Variants in TTC29 observed in about 807,000 individuals in gnomAD.
TTC29 encodes tetratricopeptide repeat protein 29.
In TTC29, 49 loss-of-function variants were observed where a neutral mutation model predicts 58.1. That is an observed-to-expected ratio of 0.84 (90% confidence interval 0.67 to 1.07). The LOEUF is 1.07. TTC29 is among the 50% of genes least tolerant of loss of function. The pLI, the probability that TTC29 is intolerant of heterozygous loss-of-function variation, is 0.00. For synonymous variants in TTC29, 209 were observed against 196.8 expected (o/e 1.06, Z -0.52); for missense variants, 582 against 555.6 (o/e 1.05, Z -0.48).
chr4:146,756,003 G>C (rs571664389), intron 11 of TTC29, among the ~76,000 whole-genome samples: 1 of 152,042 alleles, frequency 6.6e-6, no homozygotes, highest in Non-Finnish European at 1.5e-5. Context: ...GGCTGGGTGC[G>C]GTGGCTCAAG....
intron 9 of TTC29, among the ~76,000 whole-genome samples, chr4:146,832,095 T>G (rs1728203803): frequency 6.6e-6 from 1 of 152,116 alleles, no homozygotes; most frequent in Non-Finnish European, 1.5e-5. Context: ...ACAATGGAAA[T>G]ATCATTTTGT....
At chr4:146,784,760 T>C (rs142164657) in intron 11 of TTC29, among the ~76,000 whole-genome samples, 6 of 152,300 alleles carry the variant, frequency 3.9e-5, no homozygotes, top group South Asian at 2.1e-4. Flanking sequence ...TGTTATAACA[T>C]CCTGGATGGA....
At chr4:146,831,766 G>T in intron 9 of TTC29, 1 of 447,602 alleles carries the variant, frequency 2.2e-6, no homozygotes, top group Non-Finnish European at 4.5e-6. Flanking sequence ...GCTAAGAGGT[G>T]AGAATTATTT....
intron 8 of TTC29, among the ~76,000 whole-genome samples, chr4:146,847,216 T>A (rs1729230709): frequency 6.6e-6 from 1 of 152,092 alleles, no homozygotes. Flanking sequence ...TAAGTGTAAA[T>A]AATAAATGTC....
intron 11 of TTC29, among the ~76,000 whole-genome samples, chr4:146,769,001 A>G (rs1482577213): frequency 1.3e-5 from 2 of 152,002 alleles, no homozygotes; most frequent in East Asian, 3.9e-4. Flanking sequence ...TGCCATAGCA[A>G]ACACTGAAAT....
At chr4:146,885,439 A>T (rs1221462319) in intron 6 of TTC29, among the ~76,000 whole-genome samples, 1 of 152,098 alleles carries the variant, frequency 6.6e-6, no homozygotes, top group Non-Finnish European at 1.5e-5. Context: ...ATTTTTACAC[A>T]GTTGTAAAGA....
chr4:146,766,562 A>G (rs1391537559), intron 11 of TTC29, among the ~76,000 whole-genome samples: 1 of 152,116 alleles, frequency 6.6e-6, no homozygotes, highest in Non-Finnish European at 1.5e-5. Context: ...TGATAAAAAA[A>G]TTAAAAAATG....
intron 11 of TTC29, among the ~76,000 whole-genome samples, chr4:146,741,578 T>C (rs1020465968): frequency 6.6e-5 from 10 of 152,122 alleles, no homozygotes; most frequent in Non-Finnish European, 1.5e-4. Context: ...CCCTAGATTA[T>C]TGCAATAACT....
intron 5 of TTC29, among the ~76,000 whole-genome samples, chr4:146,906,762 C>A (rs114886116): frequency 0.013 from 2,028 of 152,272 alleles, 20 homozygotes; most frequent in Non-Finnish European, 0.021. Flanking sequence ...TTCTATATTT[C>A]AACCAGACAA....
At chr4:146,721,333 C>T (rs918259650) in intron 11 of TTC29, among the ~76,000 whole-genome samples, 2 of 152,030 alleles carry the variant, frequency 1.3e-5, no homozygotes, top group Non-Finnish European at 2.9e-5. Flanking sequence ...AAAGTGCACA[C>T]GATACAAATG....
chr4:146,759,193 A>G (rs1746685852), intron 11 of TTC29, among the ~76,000 whole-genome samples: 1 of 152,136 alleles, frequency 6.6e-6, no homozygotes, highest in Non-Finnish European at 1.5e-5. Context: ...CAAGGCTACT[A>G]TGAACACCTT....
intron 4 of TTC29, among the ~76,000 whole-genome samples, chr4:146,932,919 G>A (rs141026881): frequency 0.01 from 1,525 of 152,188 alleles, 26 homozygotes; most frequent in African/African-American, 0.035. Context: ...TTAGCCAGGC[G>A]TGGTGGCGGA....
At position 146,904,867 on chromosome 4, in the gene TTC29, C is replaced by T. The variant is rs143085322; in HGVS notation, c.401-1138G>A. Among the ~76,000 whole-genome samples the T allele has an allele frequency of 9.6e-3, 1,468 of 152,226 alleles. 13 individuals are homozygous for T. The highest frequency in any genetic ancestry group is 0.068 in the Middle Eastern group (20 of 294). On this transcript the variant is annotated intron_variant, in intron 5 of 12. Coordinates refer to ENST00000325106, the MANE Select transcript of TTC29 (RefSeq NM_031956.4). ...AAACAGGTTGATTACAACAAAGGGT[C>T]ATTCTGCAGAACCGTAAGTAAGTCA...
chr4:146,915,664 C>A (rs1017122437), intron 4 of TTC29, among the ~76,000 whole-genome samples: 8 of 151,964 alleles, frequency 5.3e-5, no homozygotes, highest in African/African-American at 1.4e-4. Context: ...ATAAATCTAA[C>A]AAGTAATATA....
intron 5 of TTC29, among the ~76,000 whole-genome samples, chr4:146,908,787 G>T (rs1178803290): frequency 1.3e-5 from 2 of 152,172 alleles, no homozygotes; most frequent in Non-Finnish European, 1.5e-5. Flanking sequence ...GATATTATTA[G>T]GTGCTATGTG....
At chr4:146,841,768 G>C (rs1353191321) in intron 8 of TTC29, among the ~76,000 whole-genome samples, 1 of 151,940 alleles carries the variant, frequency 6.6e-6, no homozygotes, top group African/African-American at 2.4e-5. Context: ...AACATCATAG[G>C]CTTTTGAGCC....
At chr4:146,810,065 A>G (rs1292421980) in intron 10 of TTC29, among the ~76,000 whole-genome samples, 1 of 152,216 alleles carries the variant, frequency 6.6e-6, no homozygotes, top group East Asian at 1.9e-4. Context: ...CATATACACC[A>G]TGGAATACTA....
chr4:146,927,328 G>A (rs79319033), intron 4 of TTC29, among the ~76,000 whole-genome samples: 12,624 of 152,056 alleles, frequency 0.083, 690 homozygotes, highest in East Asian at 0.19. Flanking sequence ...CATTTACTTT[G>A]TTAATGAGAG....
At chr4:146,737,461 T>C (rs558213765) in intron 11 of TTC29, among the ~76,000 whole-genome samples, 1 of 151,972 alleles carries the variant, frequency 6.6e-6, no homozygotes, top group Admixed American at 6.6e-5. Context: ...CCCTCTCAGG[T>C]GTATAATGAC....
Sources: gnomAD v4.1 joint callset for allele counts (sites outside exome capture counted in the v4.1 genomes callset) on GRCh38, gnomAD v4.1.1 for gene constraint, MANE v1.5 for transcripts, NCBI Gene and HGNC (gene_info 2026-07-23, HGNC 2026-07-21) for gene names.